ZNF365: variants seen among roughly 807,000 people sequenced by gnomAD.
The protein encoded by ZNF365 is protein ZNF365.
Under a neutral mutation model 35.0 loss-of-function variants are expected in ZNF365, and 22 were observed. The observed-to-expected ratio is 0.63, with a 90% CI of 0.45 to 0.90. ZNF365 has a LOEUF of 0.90. Ranked by LOEUF, ZNF365 falls within the 40% of genes least tolerant of loss-of-function variation. The pLI is 0.00. For synonymous variants in ZNF365, 188 were observed against 196.2 expected (o/e 0.96, Z 0.35); for missense variants, 448 against 500.3 (o/e 0.90, Z 1.00).
At position 62,399,668 on chromosome 10, in the gene ZNF365, A is replaced by G; in HGVS notation, c.1103A>G (p.Glu368Gly). ...QPAKAIHEQA[E>G]SSRDLCRPPK... The stretch of plus-strand genomic sequence containing the variant: ...GCCAAGGCCATTCACGAACAGGCTG[A>G]GTCCTCAAGAGACCTCTGCAGACCT... Residue 368 changes from glutamate to glycine, a missense_variant, in exon 5 of 5, where the codon GAG (glutamate) becomes GGG (glycine). Around this residue, in one of 3 missense-constraint regions of ZNF365, gnomAD observed 362 missense variants for 375.7 expected, o/e 0.96. Transcript: ENST00000395254. 1 of 1,614,188 alleles carries G rather than the reference A, an allele frequency of 6.2e-7. No individual in the cohort carries two copies. Among genetic ancestry groups the G allele is most frequent in the South Asian group, 1.1e-5 (1 of 91,076 alleles).
chr10:62,395,504 A>ATTTTTT (rs67866839), intron 3 of ZNF365, among the ~76,000 whole-genome samples: 21 of 98,464 alleles, frequency 2.1e-4, no homozygotes, highest in South Asian at 3.7e-4. Flanking sequence ...CACCCGGCTA[A>ATTTTTT]TTTTTTTTTT....
chr10:62,449,345 A>G (rs367985861), intron 3 of ZNF365, among the ~76,000 whole-genome samples: 5 of 152,318 alleles, frequency 3.3e-5, no homozygotes, highest in African/African-American at 1.2e-4. Context: ...GAATGGGCTC[A>G]TGGAGGGGTT....
At chr10:62,393,420 A>G (rs561792442) in intron 3 of ZNF365, among the ~76,000 whole-genome samples, 1 of 152,346 alleles carries the variant, frequency 6.6e-6, no homozygotes, top group East Asian at 1.9e-4. Context: ...ATCACCACAA[A>G]CAATTCATTG....
At chr10:62,418,610 A>G (rs1840117480) in intron 3 of ZNF365, among the ~76,000 whole-genome samples, 1 of 23,930 alleles carries the variant, frequency 4.2e-5, no homozygotes, top group South Asian at 2.0e-3. Flanking sequence ...TTTCGTAATA[A>G]AAAAAATCAG....
At chr10:62,456,312 G>T (rs1043481807) in intron 3 of ZNF365, among the ~76,000 whole-genome samples, 1 of 151,376 alleles carries the variant, frequency 6.6e-6, no homozygotes, top group Non-Finnish European at 1.5e-5. Flanking sequence ...TCTTATTTCA[G>T]TCCTTTCCCA....
intron 2 of ZNF365, among the ~76,000 whole-genome samples, chr10:62,384,677 C>T (rs1490635672): frequency 1.3e-5 from 2 of 152,178 alleles, no homozygotes; most frequent in African/African-American, 4.8e-5. Context: ...TAATAGCCTT[C>T]TCAGATAATC....
intron 2 of ZNF365, among the ~76,000 whole-genome samples, chr10:62,382,347 A>G (rs757121442): frequency 2.0e-5 from 3 of 152,190 alleles, no homozygotes; most frequent in African/African-American, 4.8e-5. Flanking sequence ...TTTGCTCCAC[A>G]TTGTTGGTTC....
chr10:62,427,742 C>T (rs184077057), intron 3 of ZNF365, among the ~76,000 whole-genome samples: 1 of 152,224 alleles, frequency 6.6e-6, no homozygotes, highest in East Asian at 1.9e-4. Flanking sequence ...TGTCTTGAGT[C>T]TATGAAATAA....
intron 3 of ZNF365, among the ~76,000 whole-genome samples, chr10:62,397,911 G>T (rs965766105): frequency 2.0e-5 from 3 of 152,156 alleles, no homozygotes; most frequent in African/African-American, 7.2e-5. Flanking sequence ...TATTTCAATG[G>T]TTTTGGGAGG....
chr10:62,421,073 G>A (rs1202076548), intron 3 of ZNF365, among the ~76,000 whole-genome samples: 1 of 151,924 alleles, frequency 6.6e-6, no homozygotes, highest in African/African-American at 2.4e-5. Context: ...GCCTACTTGG[G>A]TTTAGAGACA....
chr10:62,456,443 C>T (rs1481229500), intron 3 of ZNF365, among the ~76,000 whole-genome samples: 1 of 152,158 alleles, frequency 6.6e-6, no homozygotes, highest in Non-Finnish European at 1.5e-5. Flanking sequence ...CCACCCCTCT[C>T]TTCTCATTTT....
chr10:62,394,102 C>A (rs1839681642), intron 3 of ZNF365, among the ~76,000 whole-genome samples: 1 of 152,092 alleles, frequency 6.6e-6, no homozygotes, highest in South Asian at 2.1e-4. Flanking sequence ...TGCTTGGGAC[C>A]AGAAATGTTT....
intron 3 of ZNF365, among the ~76,000 whole-genome samples, chr10:62,448,089 A>G (rs1468382151): frequency 6.6e-6 from 1 of 152,140 alleles, no homozygotes; most frequent in African/African-American, 2.4e-5. Context: ...TATTAATTCA[A>G]TTTCTTTTTG....
chr10:62,457,062 T>C (rs1239022362), intron 3 of ZNF365, among the ~76,000 whole-genome samples: 1 of 152,176 alleles, frequency 6.6e-6, no homozygotes, highest in East Asian at 1.9e-4. Flanking sequence ...GCTTCTGGGC[T>C]AGTGTAGCTC....
At chr10:62,438,384 C>T (rs971522395) in intron 3 of ZNF365, among the ~76,000 whole-genome samples, 38 of 151,816 alleles carry the variant, frequency 2.5e-4, no homozygotes, top group African/African-American at 7.3e-4. Flanking sequence ...GATGAGGTTT[C>T]GCCACATTGC....
intron 3 of ZNF365, among the ~76,000 whole-genome samples, chr10:62,395,498 C>T (rs1459652651): frequency 4.8e-5 from 7 of 145,994 alleles, no homozygotes; most frequent in South Asian, 4.5e-4. Flanking sequence ...CCACCACACC[C>T]GGCTAATTTT....
intron 4 of ZNF365, among the ~76,000 whole-genome samples, chr10:62,462,836 A>G (rs1840869821): frequency 6.6e-6 from 1 of 152,216 alleles, no homozygotes; most frequent in Non-Finnish European, 1.5e-5. Context: ...ATTTACACCT[A>G]TTTCAAATAT....
intron 3 of ZNF365, among the ~76,000 whole-genome samples, chr10:62,425,451 A>G (rs1840236745): frequency 6.6e-6 from 1 of 152,220 alleles, no homozygotes; most frequent in South Asian, 2.1e-4. Context: ...CCTAATCAGT[A>G]AGAAATGACA....
rs1839403115 is a variant in ZNF365, at chr10:62,379,720, C to CT, written c.743+2785dup. 2.0e-5 allele frequency among the ~76,000 whole-genome samples: 3 copies of CT among 152,334 alleles called. No homozygotes were observed. The South Asian group carries it at 6.2e-4, about 32-fold the overall frequency. ...CACTGTTAATACTGGGTTGATTTGA[C>CT]TGCATCTGCCTGGCTGGGTGGTGGG... On this transcript the variant is annotated intron_variant, in intron 2 of 4. Coordinates refer to ENST00000395254, the MANE Select transcript of ZNF365 (RefSeq NM_014951.3).
Sources: gnomAD v4.1 joint callset for allele counts (sites outside exome capture counted in the v4.1 genomes callset) on GRCh38, gnomAD v4.1.1 for gene constraint, gnomAD v4.1.1 regional missense constraint, MANE v1.5 for transcripts, NCBI Gene and HGNC (gene_info 2026-07-23, HGNC 2026-07-21) for gene names.